Variants in SUGCT observed in about 807,000 individuals in gnomAD.
SUGCT encodes the protein succinyl-CoA:glutarate-CoA transferase.
SUGCT carries 41 observed loss-of-function variants against 55.0 expected under a neutral mutation model. The ratio of observed to expected loss-of-function variants is 0.74; its 90% CI spans 0.58 to 0.97. The LOEUF (loss-of-function observed/expected upper bound fraction) is 0.97, where lower values mean the gene tolerates loss of function less well. Among genes scored for constraint, SUGCT ranks in the 50% least tolerant of loss-of-function variants. The pLI, the probability that SUGCT is intolerant of heterozygous loss-of-function variation, is 0.00. For synonymous variants in SUGCT, 187 were observed against 200.4 expected (o/e 0.93, Z 0.56); for missense variants, 568 against 547.8 (o/e 1.04, Z -0.37).
intron 9 of SUGCT, among the ~76,000 whole-genome samples, chr7:40,330,019 GC>G (rs1796227054): frequency 6.6e-6 from 1 of 152,140 alleles, no homozygotes; most frequent in Non-Finnish European, 1.5e-5. Context: ...TATAACCTCA[GC>G]AGAGAATACA....
intron 6 of SUGCT, among the ~76,000 whole-genome samples, chr7:40,237,084 C>G (rs1789061945): frequency 6.6e-6 from 1 of 151,672 alleles, no homozygotes; most frequent in Non-Finnish European, 1.5e-5. Flanking sequence ...CCGCCCACCT[C>G]AGCCTCCCAA....
intron 12 of SUGCT, among the ~76,000 whole-genome samples, chr7:40,698,623 G>A (rs907478500): frequency 1.3e-5 from 2 of 152,038 alleles, no homozygotes; most frequent in Non-Finnish European, 2.9e-5. Flanking sequence ...TTTTTCTTTT[G>A]GTCATTTGCT....
At chr7:40,620,910 G>A (rs1022259913) in intron 12 of SUGCT, among the ~76,000 whole-genome samples, 1 of 152,044 alleles carries the variant, frequency 6.6e-6, no homozygotes, top group Non-Finnish European at 1.5e-5. Context: ...AAATAGTCTT[G>A]GTGAGTTTTA....
chr7:40,758,626 C>T lies in SUGCT; in HGVS notation c.1153+9129C>T, dbSNP rs118150251. On this transcript the variant is annotated intron_variant, in intron 13 of 13. Coordinates refer to ENST00000335693, the MANE Select transcript of SUGCT (RefSeq NM_001193313.2). ...TTATTGCTTCTCTCCTCAGCTGGAGCGAATCTTATTTGTCCTGTATGTATC... is the reference window on the plus strand; with the variant it reads ...TTATTGCTTCTCTCCTCAGCTGGAGTGAATCTTATTTGTCCTGTATGTATC... Among the ~76,000 whole-genome samples the T allele has an allele frequency of 6.6e-4, 101 of 152,196 alleles. 1 individual carries two copies. In the East Asian group the frequency reaches 0.013, roughly 19 times the overall value.
intron 9 of SUGCT, among the ~76,000 whole-genome samples, chr7:40,373,672 G>A (rs1050587278): frequency 6.6e-6 from 1 of 151,984 alleles, no homozygotes; most frequent in Non-Finnish European, 1.5e-5. Context: ...TCACATGCAA[G>A]TTTATTTTGG....
At chr7:40,545,165 A>C (rs1794924127) in intron 12 of SUGCT, among the ~76,000 whole-genome samples, 1 of 152,328 alleles carries the variant, frequency 6.6e-6, no homozygotes, top group African/African-American at 2.4e-5. Context: ...TTTTTGGAAC[A>C]AATTCCTCTG....
intron 9 of SUGCT, among the ~76,000 whole-genome samples, chr7:40,423,365 A>G (rs2151375282): frequency 6.6e-6 from 1 of 152,284 alleles, no homozygotes; most frequent in South Asian, 2.1e-4. Flanking sequence ...GTCTGAAATC[A>G]TAGACTATTT....
intron 12 of SUGCT, among the ~76,000 whole-genome samples, chr7:40,571,839 C>T (rs1176993333): frequency 6.6e-6 from 1 of 152,142 alleles, no homozygotes; most frequent in Non-Finnish European, 1.5e-5. Flanking sequence ...AAATGATGTT[C>T]AAGTGTCTCA....
chr7:40,750,313 T>G (rs186080299), intron 13 of SUGCT, among the ~76,000 whole-genome samples: 1 of 152,372 alleles, frequency 6.6e-6, no homozygotes, highest in East Asian at 1.9e-4. Context: ...AATTATTTGT[T>G]CATTGTGTCC....
chr7:40,256,019 C>G (rs2150948690), intron 7 of SUGCT, among the ~76,000 whole-genome samples: 1 of 152,312 alleles, frequency 6.6e-6, no homozygotes, highest in South Asian at 2.1e-4. Flanking sequence ...TGCTCCACCA[C>G]TCTCCTTGAC....
the SUGCT span, among the ~76,000 whole-genome samples, chr7:41,037,591 G>C: frequency 6.6e-6 from 1 of 151,112 alleles, no homozygotes; most frequent in African/African-American, 2.4e-5. Flanking sequence ...ACCTGGAAAA[G>C]TTCACTAATT....
chr7:40,432,626 C>T (rs1191418494), intron 9 of SUGCT, among the ~76,000 whole-genome samples: 1 of 141,004 alleles, frequency 7.1e-6, no homozygotes. Flanking sequence ...GTGGATGTTG[C>T]AGTGAACCAA....
At chr7:40,644,850 G>C (rs558316965) in intron 12 of SUGCT, among the ~76,000 whole-genome samples, 2 of 152,152 alleles carry the variant, frequency 1.3e-5, no homozygotes, top group Non-Finnish European at 2.9e-5. Context: ...GGGTTTACCC[G>C]AGTTGCTTTG....
chr7:40,508,442 G>A (rs1792732655), intron 12 of SUGCT, among the ~76,000 whole-genome samples: 1 of 152,142 alleles, frequency 6.6e-6, no homozygotes, highest in Non-Finnish European at 1.5e-5. Context: ...GCTCCTCATG[G>A]GGTAAAGCCA....
intron 11 of SUGCT, among the ~76,000 whole-genome samples, chr7:40,482,092 C>T (rs1013058099): frequency 6.6e-6 from 1 of 151,918 alleles, no homozygotes; most frequent in African/African-American, 2.4e-5. Context: ...TTTCCCTTTC[C>T]AAGAATGGAT....
chr7:40,518,068 G>T (rs1793343320), intron 12 of SUGCT, among the ~76,000 whole-genome samples: 1 of 152,048 alleles, frequency 6.6e-6, no homozygotes, highest in Non-Finnish European at 1.5e-5. Flanking sequence ...ATGGTACTGT[G>T]GTGGTGGACA....
At chr7:40,224,547 G>A (rs966559686) in intron 6 of SUGCT, among the ~76,000 whole-genome samples, 2 of 151,988 alleles carry the variant, frequency 1.3e-5, no homozygotes, top group Admixed American at 1.3e-4. Flanking sequence ...TTGAATAATA[G>A]TTTTGAAGAC....
At chr7:40,350,466 G>A (rs371695016) in intron 9 of SUGCT, among the ~76,000 whole-genome samples, 14 of 150,830 alleles carry the variant, frequency 9.3e-5, no homozygotes, top group East Asian at 2.0e-4. Flanking sequence ...GGTGACCACC[G>A]CCACACCTGG....
chr7:40,622,470 G>A (rs1799306882), intron 12 of SUGCT, among the ~76,000 whole-genome samples: 2 of 149,616 alleles, frequency 1.3e-5, no homozygotes, highest in Non-Finnish European at 3.0e-5. Context: ...CATCCAAAAT[G>A]TGGAAGCTAC....
Sources: gnomAD v4.1 joint callset for allele counts (sites outside exome capture counted in the v4.1 genomes callset) on GRCh38, gnomAD v4.1.1 for gene constraint, MANE v1.5 for transcripts, NCBI Gene and HGNC (gene_info 2026-07-23, HGNC 2026-07-21) for gene names.